The following BTAF1 variants were observed in gnomAD, a reference collection of about 807,000 sequenced individuals.
The protein encoded by BTAF1 is TATA-binding protein-associated factor 172.
Under a neutral mutation model 227.1 loss-of-function variants are expected in BTAF1, and 38 were observed. The ratio of observed to expected loss-of-function variants is 0.17; its 90% CI spans 0.13 to 0.22. The LOEUF (loss-of-function observed/expected upper bound fraction) is 0.22. Among genes scored for constraint, BTAF1 ranks in the 10% least tolerant of loss-of-function variants. BTAF1 has a pLI of 1.00. For synonymous variants in BTAF1, 742 were observed against 751.9 expected, an observed-to-expected ratio of 0.99 and a Z score of 0.21; for missense variants, 1,598 against 2,204.0, an observed-to-expected ratio of 0.73 and a Z score of 5.51.
At chr10:91,957,816 T>G (rs1405216772) in intron 8 of BTAF1, among the ~76,000 whole-genome samples, 1 of 152,170 alleles carries the variant, frequency 6.6e-6, no homozygotes, top group Non-Finnish European at 1.5e-5. Context: ...TTCCTTGGTG[T>G]AATTCTATTT....
At chr10:91,930,548 C>G (rs1306693638) in intron 1 of BTAF1, among the ~76,000 whole-genome samples, 1 of 152,116 alleles carries the variant, frequency 6.6e-6, no homozygotes, top group African/African-American at 2.4e-5. Context: ...TGTGTGATAT[C>G]TTTATGTTTA....
At chr10:91,940,670 T>C (rs965367854) in intron 3 of BTAF1, among the ~76,000 whole-genome samples, 2 of 151,906 alleles carry the variant, frequency 1.3e-5, no homozygotes, top group African/African-American at 2.4e-5. Context: ...TATTTTGTTT[T>C]ATTTTATTTA....
chr10:92,002,880 C>T (rs531687552), intron 25 of BTAF1, among the ~76,000 whole-genome samples: 3 of 152,090 alleles, frequency 2.0e-5, no homozygotes, highest in South Asian at 4.1e-4. Context: ...AAAAATGTGG[C>T]TGAGCATGGT....
intron 16 of BTAF1, 49 bp from the exon 17 acceptor site, chr10:91,982,034 C>A (rs1170030196): frequency 5.8e-6 from 9 of 1,557,204 alleles, no homozygotes; most frequent in Non-Finnish European, 7.8e-6. Context: ...GTTGCCTATT[C>A]AGTTTTAATG....
At chr10:91,937,197 G>A (rs1844678097) in intron 2 of BTAF1, among the ~76,000 whole-genome samples, 1 of 151,944 alleles carries the variant, frequency 6.6e-6, no homozygotes, top group Non-Finnish European at 1.5e-5. Context: ...GTTTCACCAT[G>A]TTGGCTAGGA....
intron 25 of BTAF1, among the ~76,000 whole-genome samples, chr10:92,007,635 T>C (rs1850017247): frequency 6.6e-6 from 1 of 152,236 alleles, no homozygotes. Context: ...CTTTCAGAGG[T>C]ACACGCAGTT....
At position 92,006,679 on chromosome 10, in the gene BTAF1, A is replaced by G. The variant is rs563938386; in HGVS notation, c.3661-1444A>G. 3.3e-5 allele frequency among the ~76,000 whole-genome samples: 5 copies of G among 152,368 alleles called. No homozygotes were observed. In the South Asian group the frequency reaches 1.0e-3, roughly 32 times the overall value. The stretch of plus-strand genomic sequence containing the variant: ...AGCTTCTCTTGAAAATATGAATTTT[A>G]TCAGTGACAACAAGTTAATGTGAGT... On this transcript the variant is annotated intron_variant, in intron 25 of 37. Transcript: ENST00000265990.
At position 91,962,690 on chromosome 10, in the gene BTAF1, A is replaced by AT; in HGVS notation, c.1404+17dup. 2 of 1,577,922 alleles carry AT rather than the reference A, an allele frequency of 1.3e-6. No individual in the cohort carries two copies. ...TTCAGACACAAAAGGTAAATTAAAT[A>AT]TTTTTACAGTTTCTTACTATAGAGC... is the stretch of plus-strand genomic sequence containing the variant. On this transcript the variant is annotated intron_variant, in intron 12 of 37. Coordinates refer to ENST00000265990, the MANE Select transcript of BTAF1 (RefSeq NM_003972.3).
chr10:91,982,524 G>A (rs567197021), intron 17 of BTAF1, 63 bp from the exon 18 acceptor site: 76 of 1,502,666 alleles, frequency 5.1e-5, no homozygotes, highest in Admixed American at 2.3e-4. Flanking sequence ...AAAATTTCCC[G>A]AAGTATGGGG....
chr10:91,936,700 G>A (rs1297583493), intron 2 of BTAF1, among the ~76,000 whole-genome samples: 1 of 152,196 alleles, frequency 6.6e-6, no homozygotes, highest in Non-Finnish European at 1.5e-5. Context: ...GAAGAAGGAT[G>A]CATATTAGGC....
chr10:92,003,769 A>G, intron 25 of BTAF1, among the ~76,000 whole-genome samples: 1 of 152,322 alleles, frequency 6.6e-6, no homozygotes, highest in South Asian at 2.1e-4. Context: ...TATAACCAAA[A>G]GTGGGATTGC....
At chr10:91,958,059 A>G (rs1846219839) in intron 8 of BTAF1, among the ~76,000 whole-genome samples, 1 of 151,564 alleles carries the variant, frequency 6.6e-6, no homozygotes, top group Non-Finnish European at 1.5e-5. Context: ...TCACTTTTTG[A>G]TTTTTTTGAG....
chr10:91,999,707 A>G (rs1372892417), intron 25 of BTAF1, among the ~76,000 whole-genome samples: 1 of 152,200 alleles, frequency 6.6e-6, no homozygotes, highest in African/African-American at 2.4e-5. Flanking sequence ...ATATAACATC[A>G]TTTATAGTAG....
intron 14 of BTAF1, among the ~76,000 whole-genome samples, chr10:91,971,309 GC>G (rs1305778858): frequency 3.3e-5 from 5 of 152,162 alleles, no homozygotes; most frequent in Non-Finnish European, 7.4e-5. Flanking sequence ...CTTTGTCACT[GC>G]CCTGATCCTT....
intron 34 of BTAF1, among the ~76,000 whole-genome samples, chr10:92,022,087 G>C (rs376779733): frequency 2.6e-5 from 4 of 152,082 alleles, no homozygotes; most frequent in Admixed American, 1.3e-4. Context: ...CCCTGAACTC[G>C]ATCAGTCTCT....
chr10:91,987,206 G>A (rs1464470627), intron 19 of BTAF1, among the ~76,000 whole-genome samples: 2 of 150,562 alleles, frequency 1.3e-5, no homozygotes, highest in Non-Finnish European at 1.5e-5. Context: ...TGTTTAGGCC[G>A]GGCGCAGTGG....
intron 6 of BTAF1, among the ~76,000 whole-genome samples, chr10:91,955,919 G>A (rs1846054354): frequency 6.6e-6 from 1 of 152,150 alleles, no homozygotes; most frequent in South Asian, 2.1e-4. Flanking sequence ...AAATAATGCT[G>A]TATATGCTTT....
intron 19 of BTAF1, among the ~76,000 whole-genome samples, chr10:91,988,043 T>C (rs1473687225): frequency 6.6e-6 from 1 of 152,208 alleles, no homozygotes; most frequent in Non-Finnish European, 1.5e-5. Context: ...TAATCCCTGA[T>C]TGGCCTGTTC....
chr10:91,980,493 C>T lies in BTAF1; in HGVS notation c.1690C>T (p.Leu564Phe), dbSNP rs751060217. The T allele has an allele frequency of 1.4e-5, 22 of 1,613,124 alleles. No homozygotes were observed. The highest frequency in any genetic ancestry group is 1.8e-5 in the Non-Finnish European group (21 of 1,179,454). Reference protein sequence around the residue: ...SWLIPILPDMLRHIFQFCVLE... With the variant: ...SWLIPILPDMFRHIFQFCVLE... ...GCTTATACCTATACTGCCTGATATGCTCCGACACATTTTTCAGTTCTGTGT... is the reference window on the plus strand; with the variant it reads ...GCTTATACCTATACTGCCTGATATGTTCCGACACATTTTTCAGTTCTGTGT... Residue 564 changes from leucine to phenylalanine, a missense_variant, in exon 15 of 38, where the codon CTC (leucine) becomes TTC (phenylalanine). Physicochemically the swap from Leu to Phe is conservative, Grantham distance 22 (BLOSUM62 0). Transcript: ENST00000265990.
Sources: allele counts gnomAD v4.1 joint callset (sites outside exome capture counted in the v4.1 genomes callset), GRCh38; gene constraint gnomAD v4.1.1; transcripts MANE v1.5; gene names NCBI Gene and HGNC (gene_info 2026-07-23, HGNC 2026-07-21).